Variants in POLA2 observed in about 807,000 individuals in gnomAD.
The protein encoded by POLA2 is DNA polymerase alpha 2, accessory subunit.
POLA2 carries 47 observed loss-of-function variants against 82.8 expected under a neutral mutation model. That is an observed-to-expected ratio of 0.57 (90% confidence interval 0.45 to 0.72). The LOEUF is 0.72. Among genes scored for constraint, POLA2 ranks in the 30% least tolerant of loss-of-function variants. The pLI is 0.00. For synonymous variants in POLA2, 287 were observed against 286.8 expected (o/e 1.00, Z -0.01); for missense variants, 634 against 728.1 (o/e 0.87, Z 1.49).
chr11:65,297,012 T>C (rs918557240), intron 17 of POLA2, 108 bp from the exon 18 acceptor site: 6 of 1,221,016 alleles, frequency 4.9e-6, no homozygotes, highest in Non-Finnish European at 7.0e-6. Flanking sequence ...TCGTTTCCAT[T>C]TTCTAAAACC....
chr11:65,298,959 G>A (rs1422924760), downstream of POLA2, among the ~76,000 whole-genome samples: 3 of 152,240 alleles, frequency 2.0e-5, no homozygotes, highest in East Asian at 5.8e-4. Context: ...TTAAGAGTCA[G>A]ACAAAGAGAA....
At chr11:65,277,942 A>G (rs1350132879) in intron 5 of POLA2, among the ~76,000 whole-genome samples, 1 of 152,212 alleles carries the variant, frequency 6.6e-6, no homozygotes, top group African/African-American at 2.4e-5. Context: ...GAAAAGAAAG[A>G]ATGATGGCAT....
Position 65,262,157 on chromosome 11 carries a change from A to G in POLA2, c.-136A>G. ...GACGGTCTGAGGTCTTGCTTGGGCC[A>G]GTCACCTCCTGTCACGGTCCGCGGA... On this transcript the variant is annotated 5_prime_UTR_variant, in exon 1 of 18. Coordinates refer to ENST00000265465, the MANE Select transcript of POLA2 (RefSeq NM_002689.4). The G allele has an allele frequency of 3.0e-6, 2 of 672,126 alleles. 1 individual carries two copies. The highest frequency in any genetic ancestry group is 7.8e-4 in the Middle Eastern group (2 of 2,562). 41.6% of individuals were successfully genotyped at this position (672,126 alleles called of 1,614,324 possible).
At chr11:65,263,218 C>CT (rs1949419110) in intron 1 of POLA2, among the ~76,000 whole-genome samples, 1 of 143,968 alleles carries the variant, frequency 6.9e-6, no homozygotes, top group Non-Finnish European at 1.5e-5. Context: ...TTCTCTCTCT[C>CT]TCTTTTTTTT....
intron 10 of POLA2, among the ~76,000 whole-genome samples, chr11:65,283,953 G>A (rs1286517726): frequency 6.9e-6 from 1 of 144,856 alleles, no homozygotes; most frequent in African/African-American, 2.6e-5. Flanking sequence ...GCAATATGGC[G>A]AAAACCTGTC....
chr11:65,284,594 C>T (rs549901086), intron 10 of POLA2, among the ~76,000 whole-genome samples: 12 of 150,840 alleles, frequency 8.0e-5, no homozygotes, highest in African/African-American at 1.5e-4. Flanking sequence ...GGCGCCATCT[C>T]GGCTCACCGC....
intron 8 of POLA2, among the ~76,000 whole-genome samples, chr11:65,304,615 TG>T (rs1211436615): frequency 2.0e-5 from 3 of 152,044 alleles, no homozygotes; most frequent in South Asian, 4.1e-4. Flanking sequence ...CCAACATCAA[TG>T]GGGGTCCAGA....
At chr11:65,275,331 G>A (rs1168091381) in intron 4 of POLA2, among the ~76,000 whole-genome samples, 2 of 139,834 alleles carry the variant, frequency 1.4e-5, no homozygotes, top group African/African-American at 2.7e-5. Context: ...TTCAGCCTCC[G>A]TTCTGGGCTT....
chr11:65,262,417 C>T lies in POLA2; in HGVS notation c.79+46C>T, dbSNP rs1294088866. 2.6e-6 allele frequency: 4 copies of T among 1,515,600 alleles called. No individual in the cohort carries two copies. In the African/African-American group the frequency reaches 5.5e-5, roughly 21 times the overall value. 93.9% of individuals were successfully genotyped at this position (1,515,600 alleles called of 1,614,324 possible). A position where few individuals can be genotyped will look rare whatever the true frequency, so the allele number is the denominator to read the frequency against. ...GCCCTGCAGCCGTGCTCCACGCTCT[C>T]GCCCGAGTTCCTCGGCGCCTAGAAC... On this transcript the variant is annotated intron_variant, in intron 1 of 17. Coordinates refer to ENST00000265465, the MANE Select transcript of POLA2 (RefSeq NM_002689.4).
chr11:65,274,277 G>A lies in POLA2; in HGVS notation c.355-1615G>A, dbSNP rs1316162088. On this transcript the variant is annotated intron_variant, in intron 4 of 17. Transcript: ENST00000265465. ...TGAGGCCAGAGAATCACTTGAACAC[G>A]GGAGGTGGAGTTGCAGTGAGCTGAG... 4.6e-5 allele frequency among the ~76,000 whole-genome samples: 7 copies of A among 151,370 alleles called. 1 individual carries two copies. Among genetic ancestry groups the A allele is most frequent in the Admixed American group, 2.6e-4 (4 of 15,176 alleles).
rs552641363 is a variant in POLA2, at chr11:65,263,379, C to T, written c.79+1008C>T. On this transcript the variant is annotated intron_variant, in intron 1 of 17. Coordinates refer to ENST00000265465, the MANE Select transcript of POLA2 (RefSeq NM_002689.4). ...GGATTACAGGCGCCCGCCACCAGGC[C>T]CGACTAATTTTTTTTTGTACTTTTA... Among the ~76,000 whole-genome samples the T allele has an allele frequency of 3.9e-5, 6 of 152,044 alleles. 1 individual carries two copies. The South Asian group carries it at 1.2e-3, about 32-fold the overall frequency.
chr11:65,297,332 CA>C lies in POLA2; in HGVS notation c.*64del. ...TTAAAGTCTTAGCCAAGAGCCAAGA[CA>C]TAGCCCTGTGACAAGGTGAACAGTT... On this transcript the variant is annotated 3_prime_UTR_variant, in exon 18 of 18. Transcript: ENST00000265465. 2.0e-6 allele frequency: 3 copies of C among 1,495,182 alleles called. No individual in the cohort carries two copies. The highest frequency in any genetic ancestry group is 2.7e-5 in the South Asian group (2 of 73,716). 92.6% of individuals were successfully genotyped at this position (1,495,182 alleles called of 1,614,324 possible).
chr11:65,303,192 A>G (rs1949867698), downstream of POLA2, among the ~76,000 whole-genome samples: 2 of 152,194 alleles, frequency 1.3e-5, no homozygotes, highest in South Asian at 4.1e-4. Context: ...AACACAAAAA[A>G]TTGGCCGGGC....
At position 65,282,378 on chromosome 11, in the gene POLA2, C is replaced by A. The variant is rs868357587; in HGVS notation, c.964-101C>A. 5.5e-5 allele frequency: 50 copies of A among 911,064 alleles called. 2 individuals carry two copies. In the Middle Eastern group the frequency reaches 8.7e-4, roughly 16 times the overall value. 56.4% of individuals were successfully genotyped at this position (911,064 alleles called of 1,614,324 possible). A position where few individuals can be genotyped will look rare whatever the true frequency, so the allele number is the denominator to read the frequency against. On this transcript the variant is annotated intron_variant, in intron 9 of 17. Transcript: ENST00000265465. Reference sequence around the variant, plus strand: ...CCTCTCGCTCCTCCCCACTGTCCTCCCATCACACACCTGCACCACCCCCAA... The same window carrying A: ...CCTCTCGCTCCTCCCCACTGTCCTCACATCACACACCTGCACCACCCCCAA...
At chr11:65,265,833 T>A (rs1949454261) in intron 1 of POLA2, among the ~76,000 whole-genome samples, 1 of 152,250 alleles carries the variant, frequency 6.6e-6, no homozygotes, top group Non-Finnish European at 1.5e-5. Flanking sequence ...CTTTGCCGAT[T>A]CATCCTCAGA....
chr11:65,280,465 A>G lies in POLA2; in HGVS notation c.745-527A>G, dbSNP rs183389373. The G allele has an allele frequency of 1.9e-3, 298 of 152,990 alleles. 1 individual carries two copies. The highest frequency in any genetic ancestry group is 5.7e-3 in the Admixed American group (87 of 15,348). 9.5% of individuals were successfully genotyped at this position (152,990 alleles called of 1,614,324 possible). On this transcript the variant is annotated intron_variant, in intron 7 of 17. Coordinates refer to ENST00000265465, the MANE Select transcript of POLA2 (RefSeq NM_002689.4). ...AAACCCAAGCTTCACCCACAGTTTGACCTTGACTAAATTATCTAACCTTTC... is the reference window on the plus strand; with the variant it reads ...AAACCCAAGCTTCACCCACAGTTTGGCCTTGACTAAATTATCTAACCTTTC...
chr11:65,299,061 T>C (rs1340603763), downstream of POLA2, among the ~76,000 whole-genome samples: 4 of 152,204 alleles, frequency 2.6e-5, no homozygotes, highest in Admixed American at 2.0e-4. Context: ...AGGTGCCAAG[T>C]GACTGCTGGC....
chr11:65,305,536 C>T (rs568924385), exon 9 of POLA2: 190 of 389,274 alleles, frequency 4.9e-4, no homozygotes, highest in Admixed American at 1.3e-3. Context: ...AAGCTGGGCA[C>T]GGTGGTGCGT....
intron 10 of POLA2, 32 bp downstream of exon 10, chr11:65,282,553 CAAT>C (rs755534551): frequency 5.7e-6 from 9 of 1,582,670 alleles, no homozygotes; most frequent in Admixed American, 5.0e-5. Flanking sequence ...GTTTTGCCAA[CAAT>C]GAGGATGGTA....
Sources: allele counts gnomAD v4.1 joint callset (sites outside exome capture counted in the v4.1 genomes callset), GRCh38; gene constraint gnomAD v4.1.1; transcripts MANE v1.5; gene names NCBI Gene and HGNC (gene_info 2026-07-23, HGNC 2026-07-21).